LRRC37A3: variants seen among roughly 807,000 people sequenced by gnomAD.
LRRC37A3 encodes the protein leucine rich repeat containing 37 member A3, also known as leucine-rich repeat-containing protein 37A3.
A neutral mutation model predicts 106.2 loss-of-function variants in LRRC37A3; 25 were observed. The observed-to-expected ratio is 0.24, with a 90% CI of 0.17 to 0.33. LRRC37A3 has a LOEUF of 0.33. LRRC37A3 is among the 10% of genes least tolerant of loss of function. The pLI is 1.00. For synonymous variants in LRRC37A3, 305 were observed against 635.8 expected, an observed-to-expected ratio of 0.48 and a Z score of 7.83; for missense variants, 712 against 1,644.9, an observed-to-expected ratio of 0.43 and a Z score of 9.81.
chr17:64,859,098 A>C (rs1326775267), intron 12 of LRRC37A3, among the ~76,000 whole-genome samples: 2 of 152,176 alleles, frequency 1.3e-5, no homozygotes, highest in African/African-American at 4.8e-5. Context: ...GACTACAGGC[A>C]CGTGTCATCA....
chr17:64,912,559 C>T (rs1974613121), intron 2 of LRRC37A3, among the ~76,000 whole-genome samples: 1 of 151,704 alleles, frequency 6.6e-6, no homozygotes, highest in Admixed American at 6.6e-5. Flanking sequence ...TTCAGTTAAT[C>T]CAAAAATAGG....
At chr17:64,857,554 G>A (rs557440118) in intron 13 of LRRC37A3, among the ~76,000 whole-genome samples, 118 of 151,960 alleles carry the variant, frequency 7.8e-4, no homozygotes, top group African/African-American at 2.7e-3. Context: ...GCAGTGGTAC[G>A]ACCACAGCTC....
intron 2 of LRRC37A3, among the ~76,000 whole-genome samples, chr17:64,917,047 C>T (rs1321239742): frequency 1.3e-5 from 2 of 151,512 alleles, no homozygotes; most frequent in Non-Finnish European, 2.9e-5. Context: ...ATATCGAGAC[C>T]ATCCTCGCTA....
chr17:64,869,598 C>T (rs912122588), intron 8 of LRRC37A3, among the ~76,000 whole-genome samples: 7 of 143,042 alleles, frequency 4.9e-5, no homozygotes, highest in African/African-American at 8.3e-5. Flanking sequence ...TGCAATGGCT[C>T]GATCTTGGCT....
chr17:64,883,191 C>T (rs931235480), intron 8 of LRRC37A3, among the ~76,000 whole-genome samples: 3 of 152,324 alleles, frequency 2.0e-5, no homozygotes, highest in Middle Eastern at 6.8e-3. Context: ...GTCCTCCTTT[C>T]CCCAATGCAA....
At chr17:64,917,665 A>C (rs1974735957) in intron 2 of LRRC37A3, among the ~76,000 whole-genome samples, 1 of 152,022 alleles carries the variant, frequency 6.6e-6, no homozygotes, top group African/African-American at 2.4e-5. Flanking sequence ...AAATTAAAAT[A>C]CCTATTTAAA....
In LRRC37A3 at chr17:64,860,495, A is replaced by G. The variant is rs911184537; in HGVS notation, c.3651T>C (p.Pro1217=). The stretch of plus-strand genomic sequence containing the variant: ...ACTTCTCAGGCCCCTGCTGTGTGTG[A>G]GGCTGTTTCAGCTCCCTTGGGGCTG... ...GSPAPRELKQ[P]HTQQGPEKLA... The change falls in exon 12 of 15, where the codon CCT becomes CCC. Residue 1217 remains proline (P), a synonymous_variant. Transcript: ENST00000584306. 6.2e-7 allele frequency: 1 copy of G among 1,613,166 alleles called. No individual in the cohort carries two copies. The highest frequency in any genetic ancestry group is 2.2e-5 in the East Asian group (1 of 44,868).
At chr17:64,864,842 GGGCCTTTTCTGA>G (rs1973002319) in intron 10 of LRRC37A3, among the ~76,000 whole-genome samples, 1 of 151,918 alleles carries the variant, frequency 6.6e-6, no homozygotes, top group African/African-American at 2.4e-5. Flanking sequence ...AGGTTGTGGG[GGGCCTTTTCTGA>G]GTCCTCCAAA....
At chr17:64,914,383 A>C (rs894177342) in intron 2 of LRRC37A3, among the ~76,000 whole-genome samples, 3 of 151,068 alleles carry the variant, frequency 2.0e-5, no homozygotes. Flanking sequence ...ACATGGTGAA[A>C]CCTCATCTCT....
Position 64,860,991 on chromosome 17 carries a change from A to G in LRRC37A3, c.3173-18T>C, listed in dbSNP as rs1002935623. 10 of 1,613,548 alleles carry G rather than the reference A, an allele frequency of 6.2e-6. No individual in the cohort carries two copies. Among genetic ancestry groups the G allele is most frequent in the South Asian group, 1.1e-5 (1 of 91,072 alleles). On this transcript the variant is annotated intron_variant, in intron 11 of 14. Transcript: ENST00000584306. ...TTCTTCAGCTGTCAAAAAAGAAGAG[A>G]CTGCTTTGATCATGAAAGATGATGG...
At position 64,866,605 on chromosome 17, in the gene LRRC37A3, TATATATATATATATATATATATA is replaced by T. The variant is rs1221870026; in HGVS notation, c.3053+1834_3053+1856del. On this transcript the variant is annotated intron_variant, in intron 10 of 14. Coordinates refer to ENST00000584306, the MANE Select transcript of LRRC37A3 (RefSeq NM_199340.5). ...ATACACGTACATATATATATATATA[TATATATATATATATATATATATA>T]TTTTTTTTTTTTTTTTTTTTTAGAC... Among the ~76,000 whole-genome samples the T allele has an allele frequency of 1.3e-3, 23 of 18,234 alleles. 1 individual carries two copies. In the East Asian group the frequency reaches 0.022, roughly 17 times the overall value. 12.0% of individuals were successfully genotyped at this position (18,234 alleles called of 152,430 possible).
intron 13 of LRRC37A3, among the ~76,000 whole-genome samples, chr17:64,858,420 T>C (rs908952192): frequency 1.3e-5 from 2 of 152,192 alleles, no homozygotes; most frequent in Non-Finnish European, 2.9e-5. Flanking sequence ...ATTATACCTC[T>C]CTCATCATTT....
chr17:64,866,016 C>G (rs922632802), intron 10 of LRRC37A3, among the ~76,000 whole-genome samples: 2 of 151,948 alleles, frequency 1.3e-5, no homozygotes, highest in African/African-American at 4.8e-5. Context: ...AGCCAAGACT[C>G]AAATGAGCTG....
At chr17:64,865,384 C>T (rs1973029723) in intron 10 of LRRC37A3, among the ~76,000 whole-genome samples, 1 of 152,204 alleles carries the variant, frequency 6.6e-6, no homozygotes, top group African/African-American at 2.4e-5. Flanking sequence ...GCACAAGCAA[C>T]CCTCTCTCTT....
intron 13 of LRRC37A3, among the ~76,000 whole-genome samples, chr17:64,857,922 T>C (rs1972735720): frequency 6.6e-6 from 1 of 152,206 alleles, no homozygotes; most frequent in African/African-American, 2.4e-5. Flanking sequence ...ACTGGTGGCA[T>C]AGCATCAAGG....
At chr17:64,874,448 C>T (rs1487951572) in intron 8 of LRRC37A3, among the ~76,000 whole-genome samples, 4 of 152,128 alleles carry the variant, frequency 2.6e-5, no homozygotes, top group South Asian at 2.1e-4. Context: ...CCCCTCCGCC[C>T]GGCCAGCCGC....
At chr17:64,882,873 A>G (rs1297105477) in intron 8 of LRRC37A3, among the ~76,000 whole-genome samples, 2 of 151,614 alleles carry the variant, frequency 1.3e-5, no homozygotes, top group Non-Finnish European at 2.9e-5. Flanking sequence ...AATAAAGTAT[A>G]GCCTTTCTAC....
intron 13 of LRRC37A3, among the ~76,000 whole-genome samples, chr17:64,857,292 G>T: frequency 6.6e-6 from 1 of 152,032 alleles, no homozygotes; most frequent in East Asian, 1.9e-4. Flanking sequence ...AAGAATTTAG[G>T]AACAAAAATA....
chr17:64,865,290 T>A (rs557188003), intron 10 of LRRC37A3, among the ~76,000 whole-genome samples: 88 of 152,236 alleles, frequency 5.8e-4, no homozygotes, highest in Middle Eastern at 3.4e-3. Flanking sequence ...ACTACAGGTG[T>A]GTGCCACCAC....
Sources: allele counts gnomAD v4.1 joint callset (sites outside exome capture counted in the v4.1 genomes callset), GRCh38; gene constraint gnomAD v4.1.1; transcripts MANE v1.5; gene names NCBI Gene and HGNC (gene_info 2026-07-23, HGNC 2026-07-21).